Variants in PPFIBP2 observed in about 807,000 individuals in gnomAD.
PPFIBP2 encodes PPFIB scaffold protein 2, also known as liprin-beta-2.
PPFIBP2 carries 118 observed loss-of-function variants against 118.3 expected under a neutral mutation model. The observed-to-expected ratio is 1.00, with a 90% CI of 0.86 to 1.16. The LOEUF is 1.16. PPFIBP2 is among the 50% of genes most tolerant of loss of function. The pLI is 0.00. For missense variants in PPFIBP2, 1,195 were observed against 1,073.1 expected (o/e 1.11, Z -1.59); for synonymous variants, 414 against 397.4 (o/e 1.04, Z -0.50).
chr11:7,534,526 T>C (rs1851031109), intron 1 of PPFIBP2, among the ~76,000 whole-genome samples: 2 of 152,176 alleles, frequency 1.3e-5, no homozygotes, highest in African/African-American at 4.8e-5. Context: ...GTGTGTTCTT[T>C]GCTGTAAGAA....
At chr11:7,522,073 G>T (rs1443522353) in intron 1 of PPFIBP2, among the ~76,000 whole-genome samples, 1 of 152,200 alleles carries the variant, frequency 6.6e-6, no homozygotes, top group Non-Finnish European at 1.5e-5. Flanking sequence ...GATGATTGTG[G>T]CTGGGAAGGG....
chr11:7,559,107 T>C (rs144928592), intron 2 of PPFIBP2, among the ~76,000 whole-genome samples: 6 of 152,302 alleles, frequency 3.9e-5, no homozygotes, highest in East Asian at 1.9e-4. Context: ...TTGAAAATAT[T>C]TGTGCTACTC....
chr11:7,564,027 G>A (rs1001346762), intron 2 of PPFIBP2, among the ~76,000 whole-genome samples: 13 of 152,164 alleles, frequency 8.5e-5, no homozygotes, highest in South Asian at 4.2e-4. Flanking sequence ...TTAGCCAGGC[G>A]TGGTGGCGGG....
chr11:7,590,445 G>A (rs1216697282), intron 3 of PPFIBP2, among the ~76,000 whole-genome samples: 1 of 152,152 alleles, frequency 6.6e-6, no homozygotes, highest in Non-Finnish European at 1.5e-5. Context: ...TTGGGGTGGG[G>A]GAGGGACCTG....
chr11:7,531,592 C>A (rs1043961736), intron 1 of PPFIBP2, among the ~76,000 whole-genome samples: 11 of 152,190 alleles, frequency 7.2e-5, no homozygotes, highest in African/African-American at 2.7e-4. Flanking sequence ...ACCAGTGGGT[C>A]AGGATAGAGG....
At chr11:7,664,436 A>T in the PPFIBP2 span, among the ~76,000 whole-genome samples, 1 of 152,038 alleles carries the variant, frequency 6.6e-6, no homozygotes, top group Non-Finnish European at 1.5e-5. Context: ...TCTGTGATGG[A>T]GGCTCTCCTG....
chr11:7,565,773 T>C lies in PPFIBP2; in HGVS notation c.279+6T>C. ...AATGGTTTGAAGAGAGCTTGGTGAG[T>C]AGTCCCGTGGCCTGATTGGGAACCA... On this transcript the variant is annotated splice_donor_region_variant and intron_variant, in intron 3 of 23. Transcript: ENST00000299492. 1.9e-6 allele frequency: 3 copies of C among 1,613,724 alleles called. No individual in the cohort carries two copies. The highest frequency in any genetic ancestry group is 2.5e-6 in the Non-Finnish European group (3 of 1,179,696).
downstream of PPFIBP2, chr11:7,656,793 A>G: frequency 7.8e-7 from 1 of 1,289,800 alleles, no homozygotes. Context: ...TGATGACTGG[A>G]GATGACTTTC....
chr11:7,636,959 C>G (rs1387768785), intron 14 of PPFIBP2, among the ~76,000 whole-genome samples: 5 of 152,192 alleles, frequency 3.3e-5, no homozygotes, highest in African/African-American at 1.2e-4. Context: ...CTCTTGCTTT[C>G]TGTGACTGAG....
rs1476199771 is a variant in PPFIBP2, at chr11:7,539,827, C to G, written c.-36-9613C>G. Among the ~76,000 whole-genome samples the G allele has an allele frequency of 3.9e-5, 6 of 152,152 alleles. No homozygotes were observed. The East Asian group carries it at 9.6e-4, about 24-fold the overall frequency. On this transcript the variant is annotated intron_variant, in intron 1 of 23. Transcript: ENST00000299492. ...TTCAGCTAAAACACTGAAGAAGCCC[C>G]AAAAGCAGAAGCAAGCTGGGGACAA...
At chr11:7,663,957 C>A in the PPFIBP2 span, among the ~76,000 whole-genome samples, 30,279 of 152,154 alleles carry the variant, frequency 0.2, 3,091 homozygotes, top group Middle Eastern at 0.25. Context: ...AGGGAACTCC[C>A]TGACCCCTTG....
At chr11:7,640,861 A>G (rs1398343747) in intron 15 of PPFIBP2, among the ~76,000 whole-genome samples, 1 of 152,054 alleles carries the variant, frequency 6.6e-6, no homozygotes, top group African/African-American at 2.4e-5. Context: ...AGTGTCAGTC[A>G]CCACTCACCC....
downstream of PPFIBP2, among the ~76,000 whole-genome samples, chr11:7,656,430 A>G (rs1854694438): frequency 6.6e-6 from 1 of 152,094 alleles, no homozygotes; most frequent in African/African-American, 2.4e-5. Flanking sequence ...GTTTTACTCA[A>G]CGTTTTTATT....
At chr11:7,641,090 T>C (rs1425818173) in intron 15 of PPFIBP2, 1 of 1,259,804 alleles carries the variant, frequency 7.9e-7, no homozygotes, top group South Asian at 1.2e-5. Flanking sequence ...CCAGGTGAGG[T>C]GGAGAGTGAG....
At chr11:7,561,067 G>GGTTT (rs72170568) in intron 2 of PPFIBP2, among the ~76,000 whole-genome samples, 3 of 151,772 alleles carry the variant, frequency 2.0e-5, no homozygotes, top group Non-Finnish European at 4.4e-5. Context: ...GATACGAGTA[G>GGTTT]GTTTGTTTGT....
chr11:7,548,220 T>C (rs535956587), intron 1 of PPFIBP2: 1 of 152,586 alleles, frequency 6.6e-6, no homozygotes, highest in African/African-American at 2.4e-5. Flanking sequence ...TGGATTTAAC[T>C]ATTATTTCCT....
intron 7 of PPFIBP2, among the ~76,000 whole-genome samples, chr11:7,621,754 G>C (rs1308423034): frequency 6.6e-6 from 1 of 152,200 alleles, no homozygotes; most frequent in Admixed American, 6.5e-5. Flanking sequence ...GGGAGTATGG[G>C]GAGGTGGGAG....
At chr11:7,625,752 T>C (rs1181947919) in intron 7 of PPFIBP2, 25 bp from the exon 8 acceptor site, 3 of 1,599,930 alleles carry the variant, frequency 1.9e-6, no homozygotes, top group South Asian at 2.2e-5. Context: ...TCTGACCTGG[T>C]AGGGATCCTC....
intron 1 of PPFIBP2, among the ~76,000 whole-genome samples, chr11:7,542,999 G>A (rs1023355396): frequency 6.6e-6 from 1 of 152,212 alleles, no homozygotes; most frequent in African/African-American, 2.4e-5. Context: ...CAGAGCCCAT[G>A]TTTTCACTCA....
Sources: gnomAD v4.1 joint callset for allele counts (sites outside exome capture counted in the v4.1 genomes callset) on GRCh38, gnomAD v4.1.1 for gene constraint, MANE v1.5 for transcripts, NCBI Gene and HGNC (gene_info 2026-07-23, HGNC 2026-07-21) for gene names.